Variants in PRIMA1 observed in about 807,000 individuals in gnomAD.
The protein encoded by PRIMA1 is proline-rich membrane anchor 1.
In PRIMA1, 7 loss-of-function variants were observed where a neutral mutation model predicts 17.5. The ratio of observed to expected loss-of-function variants is 0.40; its 90% CI spans 0.23 to 0.75. The LOEUF is 0.75. PRIMA1 is among the 30% of genes least tolerant of loss of function. The probability of loss-of-function intolerance (pLI) is 0.37; values close to 1 mark genes in which losing one functional copy is unlikely to be tolerated. For synonymous variants in PRIMA1, 97 were observed against 77.9 expected, an observed-to-expected ratio of 1.25 and a Z score of -1.29; for missense variants, 200 against 201.8, an observed-to-expected ratio of 0.99 and a Z score of 0.05.
At chr14:93,732,938 G>C (rs2076124494) in intron 4 of PRIMA1, among the ~76,000 whole-genome samples, 1 of 152,210 alleles carries the variant, frequency 6.6e-6, no homozygotes, top group Admixed American at 6.5e-5. Flanking sequence ...TCAGGCCTAG[G>C]GGTGGGAGGA....
intron 3 of PRIMA1, among the ~76,000 whole-genome samples, chr14:93,760,527 C>T (rs951176995): frequency 1.3e-5 from 2 of 152,172 alleles, no homozygotes; most frequent in African/African-American, 2.4e-5. Flanking sequence ...AGTGCCACCT[C>T]CTCCAGGCAG....
intron 3 of PRIMA1, among the ~76,000 whole-genome samples, chr14:93,756,750 A>T (rs1335549547): frequency 2.0e-5 from 3 of 151,694 alleles, no homozygotes; most frequent in African/African-American, 7.3e-5. Flanking sequence ...ACCAACCTTC[A>T]TCTTTCCCCT....
chr14:93,727,971 A>C (rs992866544), intron 4 of PRIMA1, among the ~76,000 whole-genome samples: 6 of 152,198 alleles, frequency 3.9e-5, no homozygotes, highest in Non-Finnish European at 7.3e-5. Flanking sequence ...GAGCCAGCCC[A>C]GCCCAGCCTG....
At chr14:93,763,612 G>A (rs1407363895) in intron 3 of PRIMA1, among the ~76,000 whole-genome samples, 1 of 152,236 alleles carries the variant, frequency 6.6e-6, no homozygotes, top group Non-Finnish European at 1.5e-5. Context: ...CTAGAGGAGG[G>A]TTGAGGGAGG....
intron 2 of PRIMA1, among the ~76,000 whole-genome samples, chr14:93,786,554 C>T (rs934428823): frequency 9.2e-5 from 14 of 152,206 alleles, no homozygotes; most frequent in African/African-American, 3.4e-4. Flanking sequence ...GGTCTGTCAC[C>T]CCTACTAGTA....
At chr14:93,729,286 T>C (rs1181068666) in intron 4 of PRIMA1, among the ~76,000 whole-genome samples, 1 of 152,158 alleles carries the variant, frequency 6.6e-6, no homozygotes, top group East Asian at 1.9e-4. Flanking sequence ...GTACACTAAC[T>C]TTGACCTGAC....
At chr14:93,768,482 G>T (rs1190386307) in intron 3 of PRIMA1, among the ~76,000 whole-genome samples, 1 of 152,116 alleles carries the variant, frequency 6.6e-6, no homozygotes, top group East Asian at 1.9e-4. Context: ...TCCCGTCTAG[G>T]GTGGGCCTGG....
In PRIMA1 at chr14:93,787,754, C is replaced by A; in HGVS notation, c.-31-5G>T. The A allele has an allele frequency of 6.5e-7, 1 of 1,538,410 alleles. No individual in the cohort carries two copies. The highest frequency in any genetic ancestry group is 1.2e-5 in the South Asian group (1 of 83,698). On this transcript the variant is annotated splice_polypyrimidine_tract_variant and splice_region_variant and intron_variant, in intron 1 of 4. Transcript: ENST00000393140. ...GGCGCCCGCTCCTGGGGCGAACTGTCAGGAGAGCAAGGCTAGGGTCAGGCG... is the reference window on the plus strand; with the variant it reads ...GGCGCCCGCTCCTGGGGCGAACTGTAAGGAGAGCAAGGCTAGGGTCAGGCG...
intron 4 of PRIMA1, among the ~76,000 whole-genome samples, chr14:93,735,692 CTTT>C (rs11288194): frequency 2.5e-4 from 31 of 124,598 alleles, no homozygotes; most frequent in Admixed American, 5.0e-4. Flanking sequence ...TTCTTTCTTC[CTTT>C]TTTTTTTTTT....
At position 93,787,722 on chromosome 14, in the gene PRIMA1, G is replaced by C; in HGVS notation, c.-4C>G. The C allele has an allele frequency of 1.3e-6, 2 of 1,542,682 alleles. No homozygotes were observed. The highest frequency in any genetic ancestry group is 1.2e-5 in the South Asian group (1 of 83,950). On this transcript the variant is annotated 5_prime_UTR_variant, in exon 2 of 5. Transcript: ENST00000393140. ...GCACCAAGTCCCGGAGGAGCATCTC[G>C]GCCAGCGGCGCCCGCTCCTGGGGCG...
At chr14:93,744,691 G>A (rs2076205710) in intron 3 of PRIMA1, among the ~76,000 whole-genome samples, 1 of 152,218 alleles carries the variant, frequency 6.6e-6, no homozygotes, top group African/African-American at 2.4e-5. Context: ...CTCTGCCAGT[G>A]GGAATTTGGC....
At chr14:93,748,026 G>C (rs539181593) in intron 3 of PRIMA1, among the ~76,000 whole-genome samples, 184 of 118,674 alleles carry the variant, frequency 1.6e-3, no homozygotes, top group African/African-American at 6.2e-3. Flanking sequence ...GAGAGTGGGG[G>C]ACTGTGTGTG....
intron 4 of PRIMA1, among the ~76,000 whole-genome samples, chr14:93,728,967 A>G (rs966873155): frequency 6.6e-6 from 1 of 152,184 alleles, no homozygotes; most frequent in African/African-American, 2.4e-5. Flanking sequence ...AGGGCAGGTA[A>G]GGACCTCGTG....
At chr14:93,782,530 A>G (rs1029961022) in intron 2 of PRIMA1, among the ~76,000 whole-genome samples, 3 of 151,276 alleles carry the variant, frequency 2.0e-5, no homozygotes, top group Non-Finnish European at 4.4e-5. Flanking sequence ...CTGAGGTGGG[A>G]GGATTGCTTG....
At chr14:93,782,247 G>T (rs151072864) in intron 2 of PRIMA1, among the ~76,000 whole-genome samples, 3,322 of 150,976 alleles carry the variant, frequency 0.022, 133 homozygotes, top group African/African-American at 0.077. Flanking sequence ...CAGCCTGGGC[G>T]ACAGAGCAAG....
intron 4 of PRIMA1, among the ~76,000 whole-genome samples, chr14:93,722,068 G>C: frequency 8.8e-6 from 1 of 113,526 alleles, no homozygotes; most frequent in South Asian, 3.2e-4. Flanking sequence ...TGGTAATGGG[G>C]TGATGGTGGT....
chr14:93,775,568 G>A (rs1885191692), intron 3 of PRIMA1, among the ~76,000 whole-genome samples: 1 of 152,162 alleles, frequency 6.6e-6, no homozygotes, highest in Non-Finnish European at 1.5e-5. Context: ...GTGCAATCTT[G>A]GCTCACTGCA....
chr14:93,723,153 T>C (rs1282332861), intron 4 of PRIMA1, among the ~76,000 whole-genome samples: 1 of 152,114 alleles, frequency 6.6e-6, no homozygotes, highest in Non-Finnish European at 1.5e-5. Flanking sequence ...ATGCTCTCTG[T>C]AGCCCAATTC....
chr14:93,787,843 A>G, intron 1 of PRIMA1, 94 bp from the exon 2 acceptor site: 1 of 1,413,964 alleles, frequency 7.1e-7, no homozygotes, highest in Non-Finnish European at 9.4e-7. Flanking sequence ...TCGGACGGGC[A>G]CGCCCCGCAC....
Sources: allele counts gnomAD v4.1 joint callset (sites outside exome capture counted in the v4.1 genomes callset), GRCh38; gene constraint gnomAD v4.1.1; transcripts MANE v1.5; gene names NCBI Gene and HGNC (gene_info 2026-07-23, HGNC 2026-07-21).